PTPRT: variants seen among roughly 807,000 people sequenced by gnomAD.
The protein encoded by PTPRT is protein tyrosine phosphatase receptor type T, also known as receptor-type tyrosine-protein phosphatase T.
In PTPRT, 56 loss-of-function variants were observed where a neutral mutation model predicts 176.8. That is an observed-to-expected ratio of 0.32 (90% CI 0.26 to 0.40). The LOEUF is 0.40. PTPRT is among the 10% of genes least tolerant of loss of function. The probability of loss-of-function intolerance (pLI) is 1.00; values close to 1 mark genes in which losing one functional copy is unlikely to be tolerated. For synonymous variants in PTPRT, 783 were observed against 739.0 expected, an observed-to-expected ratio of 1.06 and a Z score of -0.96; for missense variants, 1,540 against 1,908.2, an observed-to-expected ratio of 0.81 and a Z score of 3.60.
chr20:42,315,184 CAAAAAAA>C (rs71193656), intron 12 of PTPRT, among the ~76,000 whole-genome samples: 49 of 63,394 alleles, frequency 7.7e-4, no homozygotes, highest in Middle Eastern at 9.4e-3. Flanking sequence ...GGCTCCGTCT[CAAAAAAA>C]AAAAAAAAAA....
intron 19 of PTPRT, among the ~76,000 whole-genome samples, chr20:42,122,302 A>G (rs1987631898): frequency 6.6e-6 from 1 of 152,130 alleles, no homozygotes. Flanking sequence ...TGCTATTGTT[A>G]TTTTATTGTT....
At chr20:42,654,579 C>G (rs190778860) in intron 7 of PTPRT, among the ~76,000 whole-genome samples, 1 of 152,340 alleles carries the variant, frequency 6.6e-6, no homozygotes, top group African/African-American at 2.4e-5. Context: ...GCAGACTGCA[C>G]TACGTCCAAC....
At chr20:42,586,789 G>T (rs972061838) in intron 7 of PTPRT, among the ~76,000 whole-genome samples, 7 of 152,118 alleles carry the variant, frequency 4.6e-5, no homozygotes, top group Non-Finnish European at 7.3e-5. Flanking sequence ...CTGAATAATA[G>T]TTTGCTGGAT....
rs6130192 is a variant in PTPRT at position 42,712,829 on chromosome 20, G to A, written c.860-34670C>T. Among the ~76,000 whole-genome samples the A allele has an allele frequency of 6.8e-4, 104 of 152,236 alleles. 1 individual carries two copies. In the East Asian group the frequency reaches 0.017, roughly 24 times the overall value. The stretch of plus-strand genomic sequence containing the variant: ...CACAGTGAAATAATGTTTGCTCAAA[G>A]TAATTCATTGCAATATTGTTTGTAA... On this transcript the variant is annotated intron_variant, in intron 6 of 30. Coordinates refer to ENST00000373187, the MANE Select transcript of PTPRT (RefSeq NM_007050.6).
At chr20:42,284,724 G>T in intron 12 of PTPRT, among the ~76,000 whole-genome samples, 1 of 151,908 alleles carries the variant, frequency 6.6e-6, no homozygotes, top group East Asian at 1.9e-4. Flanking sequence ...AAGAAAGAAG[G>T]TTGGGTTGAC....
At chr20:42,617,153 T>A (rs1447632224) in intron 7 of PTPRT, among the ~76,000 whole-genome samples, 1 of 137,220 alleles carries the variant, frequency 7.3e-6, no homozygotes, top group African/African-American at 3.2e-5. Flanking sequence ...CATGAAGGGT[T>A]GTTGAATTTT....
chr20:42,377,756 C>T (rs2058665025), intron 9 of PTPRT, among the ~76,000 whole-genome samples: 1 of 152,158 alleles, frequency 6.6e-6, no homozygotes, highest in Non-Finnish European at 1.5e-5. Flanking sequence ...CTCAGTTCGC[C>T]ACCTCTGTAA....
rs148882056 is a variant in PTPRT at position 43,178,243 on chromosome 20, A to G, written c.88+11403T>C. Among the ~76,000 whole-genome samples the G allele has an allele frequency of 4.5e-4, 69 of 152,316 alleles. 1 individual carries two copies. The East Asian group carries it at 0.01, about 23-fold the overall frequency. On this transcript the variant is annotated intron_variant, in intron 1 of 30. Coordinates refer to ENST00000373187, the MANE Select transcript of PTPRT (RefSeq NM_007050.6). ...TACTTCATCCCAGACAATTTTGTTT[A>G]GGGGAAGATAAACACCCTGAACTGG...
At chr20:43,014,397 C>T (rs1985279708) in intron 1 of PTPRT, among the ~76,000 whole-genome samples, 1 of 152,168 alleles carries the variant, frequency 6.6e-6, no homozygotes, top group South Asian at 2.1e-4. Flanking sequence ...ATTTCACAAG[C>T]CAAGCTGATG....
At chr20:42,039,454 G>A in the PTPRT span, among the ~76,000 whole-genome samples, 3 of 151,832 alleles carry the variant, frequency 2.0e-5, no homozygotes, top group Non-Finnish European at 2.9e-5. Flanking sequence ...CTAAAATGTT[G>A]TGACCTTTGA....
At chr20:42,333,668 G>T (rs1369741101) in intron 11 of PTPRT, among the ~76,000 whole-genome samples, 2 of 151,694 alleles carry the variant, frequency 1.3e-5, no homozygotes, top group African/African-American at 2.4e-5. Flanking sequence ...TTAAATATTT[G>T]TTAACATGTG....
intron 6 of PTPRT, among the ~76,000 whole-genome samples, chr20:42,752,919 C>T (rs2145390779): frequency 6.6e-6 from 1 of 152,172 alleles, no homozygotes; most frequent in Admixed American, 6.5e-5. Flanking sequence ...GAGGGGGTCC[C>T]TGCCTTTTAT....
At chr20:42,849,163 G>A (rs2078428622) in intron 2 of PTPRT, among the ~76,000 whole-genome samples, 1 of 152,158 alleles carries the variant, frequency 6.6e-6, no homozygotes. Flanking sequence ...CTGTTCCACT[G>A]GTCTATGTGC....
In PTPRT at chr20:42,079,860, C is replaced by T; in HGVS notation, c.*1019G>A. On this transcript the variant is annotated 3_prime_UTR_variant, in exon 31 of 31. Coordinates refer to ENST00000373187, the MANE Select transcript of PTPRT (RefSeq NM_007050.6). ...GTCCCAGGGTGGGAGCTTTTAAGGA[C>T]ATTGCCAGGAAAAAATAAAAGGCCC... is the stretch of plus-strand genomic sequence containing the variant. 4.3e-6 allele frequency: 1 copy of T among 231,624 alleles called. No homozygotes were observed. Among genetic ancestry groups the T allele is most frequent in the Non-Finnish European group, 8.5e-6 (1 of 117,008 alleles). The allele number at this position is 231,624 out of a possible 1,614,324, so 14.3% of individuals were successfully genotyped here.
chr20:42,767,309 G>A (rs921453997), intron 5 of PTPRT, among the ~76,000 whole-genome samples: 2 of 152,110 alleles, frequency 1.3e-5, no homozygotes, highest in African/African-American at 2.4e-5. Context: ...CCTCCCCAGC[G>A]TGAATGGGCA....
chr20:42,215,963 T>C (rs1017590733), intron 15 of PTPRT, among the ~76,000 whole-genome samples: 6 of 152,184 alleles, frequency 3.9e-5, no homozygotes, highest in Non-Finnish European at 8.8e-5. Context: ...CCTCGGTCTG[T>C]CTGCTATATC....
intron 15 of PTPRT, among the ~76,000 whole-genome samples, chr20:42,225,501 C>T (rs967993196): frequency 6.6e-6 from 1 of 152,014 alleles, no homozygotes; most frequent in South Asian, 2.1e-4. Context: ...CCTTTCTTTC[C>T]CTCTCTATAG....
intron 7 of PTPRT, among the ~76,000 whole-genome samples, chr20:42,551,551 G>A (rs1307546905): frequency 6.6e-6 from 1 of 152,164 alleles, no homozygotes; most frequent in Non-Finnish European, 1.5e-5. Context: ...TATGCAAAAT[G>A]TGTTAGTCAA....
At chr20:42,442,920 T>C (rs1262004949) in intron 9 of PTPRT, among the ~76,000 whole-genome samples, 1 of 152,192 alleles carries the variant, frequency 6.6e-6, no homozygotes, top group Non-Finnish European at 1.5e-5. Flanking sequence ...CTTGGTGAGT[T>C]GTGGTTGTTC....
Sources: gnomAD v4.1 joint callset for allele counts (sites outside exome capture counted in the v4.1 genomes callset) on GRCh38, gnomAD v4.1.1 for gene constraint, MANE v1.5 for transcripts, NCBI Gene and HGNC (gene_info 2026-07-23, HGNC 2026-07-21) for gene names.